The following PADI6 variants were observed in gnomAD, a reference collection of about 807,000 sequenced individuals.
PADI6 encodes the protein inactive protein-arginine deiminase type-6.
In PADI6, 66 loss-of-function variants were observed where a neutral mutation model predicts 78.2. That is an observed-to-expected ratio of 0.84 (90% CI 0.69 to 1.04). PADI6 has a LOEUF of 1.04. Ranked by LOEUF, PADI6 falls within the 50% of genes least tolerant of loss-of-function variation. The pLI, the probability that PADI6 is intolerant of heterozygous loss-of-function variation, is 0.00. For missense variants in PADI6, 854 were observed against 866.1 expected (o/e 0.99, Z 0.18); for synonymous variants, 397 against 346.9 (o/e 1.14, Z -1.60).
chr1:17,397,197 G>T (rs1008644328), intron 14 of PADI6, 56 bp downstream of exon 14: 1 of 1,591,772 alleles, frequency 6.3e-7, no homozygotes, highest in Non-Finnish European at 8.6e-7. Context: ...CGCAGGTCTT[G>T]CAGGAAGGTT....
chr1:17,390,477 C>T (rs2075171151), intron 8 of PADI6, among the ~76,000 whole-genome samples: 1 of 151,486 alleles, frequency 6.6e-6, no homozygotes, highest in Non-Finnish European at 1.5e-5. Flanking sequence ...GGTGGTGCAC[C>T]CCAGTAATCC....
At chr1:17,381,513 T>C (rs1188410631) in intron 5 of PADI6, among the ~76,000 whole-genome samples, 7 of 152,248 alleles carry the variant, frequency 4.6e-5, no homozygotes, top group African/African-American at 9.6e-5. Context: ...AATAGGGGTA[T>C]ATGCGCTGCT....
intron 7 of PADI6, 49 bp from the exon 8 acceptor site, chr1:17,388,728 G>GC: frequency 6.4e-7 from 1 of 1,565,178 alleles, no homozygotes; most frequent in Non-Finnish European, 8.7e-7. Context: ...TAAGAGGGGA[G>GC]CGAGTAAATG....
At chr1:17,395,202 T>A in intron 12 of PADI6, 95 bp downstream of exon 12, 1 of 567,450 alleles carries the variant, frequency 1.8e-6, no homozygotes, top group South Asian at 3.6e-5. Context: ...TTTTCTTGTT[T>A]TTTTTTTTTT....
In PADI6 at chr1:17,395,126, A is replaced by G. The variant is rs757571345; in HGVS notation, c.1494+19A>G. 3 of 1,608,216 alleles carry G rather than the reference A, an allele frequency of 1.9e-6. No homozygotes were observed. Among genetic ancestry groups the G allele is most frequent in the African/African-American group, 1.3e-5 (1 of 74,856 alleles). ...CAAAAAGGTCTGCTTTGGGGTCTGG[A>G]GAAGGGACATCTGACCCTTGCCTTC... On this transcript the variant is annotated intron_variant, in intron 12 of 15. Coordinates refer to ENST00000619609, the MANE Select transcript of PADI6 (RefSeq NM_207421.4).
At chr1:17,396,341 G>A (rs957929421) in intron 13 of PADI6, among the ~76,000 whole-genome samples, 9 of 152,256 alleles carry the variant, frequency 5.9e-5, no homozygotes, top group African/African-American at 9.6e-5. Flanking sequence ...AGCTAAGATC[G>A]TGCCATTGCA....
At chr1:17,392,423 C>T (rs192264745) in intron 9 of PADI6, among the ~76,000 whole-genome samples, 198 bp downstream of exon 9, 111 of 152,322 alleles carry the variant, frequency 7.3e-4, no homozygotes, top group South Asian at 2.9e-3. Flanking sequence ...AGTTAGAGTC[C>T]AGCCTCCTTC....
chr1:17,393,888 G>A, intron 9 of PADI6, 87 bp from the exon 10 acceptor site: 2 of 1,200,578 alleles, frequency 1.7e-6, no homozygotes, highest in Non-Finnish European at 2.4e-6. Context: ...TGGCAGGAAG[G>A]AAGGGGGTTC....
chr1:17,386,901 G>A (rs77092501), intron 6 of PADI6, among the ~76,000 whole-genome samples: 1,865 of 152,336 alleles, frequency 0.012, 44 homozygotes, highest in African/African-American at 0.042. Context: ...TGGAGGAGCT[G>A]GAGATGGAGG....
At chr1:17,397,188 G>A (rs539057841) in intron 14 of PADI6, 47 bp downstream of exon 14, 31 of 1,594,386 alleles carry the variant, frequency 1.9e-5, no homozygotes, top group Middle Eastern at 1.7e-4. Flanking sequence ...AGCTGGTGCC[G>A]CAGGTCTTGC....
chr1:17,377,742 G>T (rs1021142333), intron 3 of PADI6, among the ~76,000 whole-genome samples: 1 of 152,092 alleles, frequency 6.6e-6, no homozygotes, highest in Admixed American at 6.6e-5. Flanking sequence ...TGTTCACTCC[G>T]GCTCGAGCCC....
intron 6 of PADI6, among the ~76,000 whole-genome samples, chr1:17,384,781 G>GT (rs1261721627): frequency 1.3e-4 from 20 of 152,208 alleles, no homozygotes; most frequent in African/African-American, 4.3e-4. Flanking sequence ...CAAGCCCATA[G>GT]TAAAGTCACA....
At position 17,388,601 on chromosome 1, in the gene PADI6, C is replaced by T. The variant is rs750305630; in HGVS notation, c.858+42C>T. 84 of 1,537,190 alleles carry T rather than the reference C, an allele frequency of 5.5e-5. 1 individual carries two copies. The highest frequency in any genetic ancestry group is 3.1e-4 in the Admixed American group (17 of 54,710). On this transcript the variant is annotated intron_variant, in intron 7 of 15. Transcript: ENST00000619609. ...GATGGGTCCTCAGACTAGGATGCTC[C>T]GGTGGGGGAAAAGCCATCTCCCACA...
intron 8 of PADI6, 52 bp from the exon 9 acceptor site, chr1:17,392,062 C>T (rs1454747979): frequency 4.8e-6 from 7 of 1,453,596 alleles, no homozygotes; most frequent in Non-Finnish European, 5.7e-6. Flanking sequence ...AGGTCATAAC[C>T]AGTAAGGGAC....
chr1:17,379,901 C>T lies in PADI6; in HGVS notation c.368-19C>T, dbSNP rs367976352. The T allele has an allele frequency of 1.2e-5, 20 of 1,611,890 alleles. No homozygotes were observed. The highest frequency in any genetic ancestry group is 1.5e-5 in the Non-Finnish European group (18 of 1,178,480). Reference sequence around the variant, plus strand: ...CTGGCAGGTCAAGGTGGCTGGGACACCCTTTTCTTCTGTTTCAGAGGTCTC... The same window carrying T: ...CTGGCAGGTCAAGGTGGCTGGGACATCCTTTTCTTCTGTTTCAGAGGTCTC... On this transcript the variant is annotated intron_variant, in intron 3 of 15. Coordinates refer to ENST00000619609, the MANE Select transcript of PADI6 (RefSeq NM_207421.4).
Position 17,401,667 on chromosome 1 carries a change from A to C in PADI6, c.*229A>C, listed in dbSNP as rs565326265. On this transcript the variant is annotated 3_prime_UTR_variant, in exon 16 of 16. Transcript: ENST00000619609. ...GTGTTCAGCCAAGTGACGTTTACTA[A>C]ATAGCCAATAAAGGGCTGGTGGGTG... 1.9e-6 allele frequency: 1 copy of C among 539,454 alleles called. No homozygotes were observed. Among genetic ancestry groups the C allele is most frequent in the Non-Finnish European group, 3.3e-6 (1 of 301,260 alleles). 33.4% of individuals were successfully genotyped at this position (539,454 alleles called of 1,614,324 possible).
At chr1:17,398,940 C>G in intron 15 of PADI6, 93 bp downstream of exon 15, 5 of 1,358,516 alleles carry the variant, frequency 3.7e-6, no homozygotes, top group Non-Finnish European at 5.1e-6. Context: ...ATATGGTGGA[C>G]AGCAGATAAC....
chr1:17,400,502 TTTTG>T (rs2075291500), intron 15 of PADI6, among the ~76,000 whole-genome samples: 2 of 147,540 alleles, frequency 1.4e-5, no homozygotes, highest in African/African-American at 5.3e-5. Context: ...AGCAAAACTG[TTTTG>T]TTTTTTTGTT....
At chr1:17,381,610 C>T (rs1170387550) in intron 5 of PADI6, among the ~76,000 whole-genome samples, 1 of 152,172 alleles carries the variant, frequency 6.6e-6, no homozygotes, top group Non-Finnish European at 1.5e-5. Context: ...CGGTTGGGAC[C>T]AGGGTTCTGG....
Sources: allele counts gnomAD v4.1 joint callset (sites outside exome capture counted in the v4.1 genomes callset), GRCh38; gene constraint gnomAD v4.1.1; transcripts MANE v1.5; gene names NCBI Gene and HGNC (gene_info 2026-07-23, HGNC 2026-07-21).